The following PGGT1B variants were observed in gnomAD, a reference collection of about 807,000 sequenced individuals.
The protein encoded by PGGT1B is protein geranylgeranyltransferase type I subunit beta.
In PGGT1B, 30 loss-of-function variants were observed where a neutral mutation model predicts 46.1. The ratio of observed to expected loss-of-function variants is 0.65; its 90% CI spans 0.49 to 0.88. The LOEUF (loss-of-function observed/expected upper bound fraction) is 0.88. Among genes scored for constraint, PGGT1B ranks in the 40% least tolerant of loss-of-function variants. PGGT1B has a pLI of 0.00. For synonymous variants in PGGT1B, 170 were observed against 160.0 expected (o/e 1.06, Z -0.47); for missense variants, 376 against 455.9 (o/e 0.82, Z 1.60).
chr5:115,220,334 G>A (rs1307684104), intron 7 of PGGT1B, among the ~76,000 whole-genome samples: 1 of 151,842 alleles, frequency 6.6e-6, no homozygotes, highest in Admixed American at 6.6e-5. Flanking sequence ...TATGCTAAGT[G>A]AAATAAGCCA....
intron 1 of PGGT1B, among the ~76,000 whole-genome samples, chr5:115,261,537 TTTAA>T (rs1237367952): frequency 6.6e-6 from 1 of 152,228 alleles, no homozygotes; most frequent in Non-Finnish European, 1.5e-5. Context: ...TTTAATTTGA[TTTAA>T]TTAATTCAAA....
At chr5:115,256,368 C>A (rs1405065380) in intron 1 of PGGT1B, among the ~76,000 whole-genome samples, 4 of 152,174 alleles carry the variant, frequency 2.6e-5, no homozygotes, top group Non-Finnish European at 5.9e-5. Context: ...ATGTTACTTG[C>A]TCCTGGATAT....
intron 6 of PGGT1B, among the ~76,000 whole-genome samples, chr5:115,223,527 G>A (rs1290739725): frequency 6.6e-6 from 1 of 152,172 alleles, no homozygotes; most frequent in Non-Finnish European, 1.5e-5. Context: ...AAGCTGGGAA[G>A]AGTCAAGGGA....
At chr5:115,258,995 C>T (rs768469309) in intron 1 of PGGT1B, among the ~76,000 whole-genome samples, 4 of 152,210 alleles carry the variant, frequency 2.6e-5, no homozygotes, top group Non-Finnish European at 5.9e-5. Context: ...TGCTCCTACA[C>T]GTAAAACACC....
rs1337280378 is a variant in PGGT1B, at chr5:115,212,222, T to C, written c.*180A>G. 8.9e-7 allele frequency: 1 copy of C among 1,119,206 alleles called. No homozygotes were observed. Among genetic ancestry groups the C allele is most frequent in the African/African-American group, 1.6e-5 (1 of 62,338 alleles). The allele number at this position is 1,119,206 out of a possible 1,614,324, so 69.3% of individuals were successfully genotyped here. On this transcript the variant is annotated 3_prime_UTR_variant, in exon 9 of 9. Coordinates refer to ENST00000419445, the MANE Select transcript of PGGT1B (RefSeq NM_005023.4). Reference sequence around the variant, plus strand: ...GTTGTGGTTCAAACTTCAACAAAGATTTTCTTGAAACCCAGTATAAAGATT... The same window carrying C: ...GTTGTGGTTCAAACTTCAACAAAGACTTTCTTGAAACCCAGTATAAAGATT...
chr5:115,252,096 A>C (rs1279335248), intron 2 of PGGT1B, among the ~76,000 whole-genome samples: 2 of 152,106 alleles, frequency 1.3e-5, no homozygotes, highest in African/African-American at 4.8e-5. Flanking sequence ...GCAGAAATTC[A>C]ATAAATCCTA....
chr5:115,210,864 G>A lies in PGGT1B; in HGVS notation c.*1538C>T, dbSNP rs890352189. Reference sequence around the variant, plus strand: ...AAGCTTACTTTTTCCCCCACCATCAGAAGATTTATTTTATTTCTAATTAAA... The same window carrying A: ...AAGCTTACTTTTTCCCCCACCATCAAAAGATTTATTTTATTTCTAATTAAA... On this transcript the variant is annotated 3_prime_UTR_variant, in exon 9 of 9. Coordinates refer to ENST00000419445, the MANE Select transcript of PGGT1B (RefSeq NM_005023.4). The A allele has an allele frequency of 5.3e-5, 8 of 151,930 alleles. No individual in the cohort carries two copies. Among genetic ancestry groups the A allele is most frequent in the African/African-American group, 1.9e-4 (8 of 41,394 alleles). The allele number at this position is 151,930 out of a possible 1,614,324, so 9.4% of individuals were successfully genotyped here. A position where few individuals can be genotyped will look rare whatever the true frequency, so the allele number is the denominator to read the frequency against.
At chr5:115,223,219 C>T (rs1049969374) in intron 6 of PGGT1B, among the ~76,000 whole-genome samples, 3 of 152,114 alleles carry the variant, frequency 2.0e-5, no homozygotes, top group Non-Finnish European at 4.4e-5. Context: ...TACTTCAAAA[C>T]GTATCCATAC....
Position 115,221,988 on chromosome 5 carries a change from T to C in PGGT1B, c.679A>G (p.Ile227Val). The change falls in exon 7 of 9, where the codon ATT becomes GTT. Residue 227 changes from isoleucine (I) to valine (V), a missense_variant. By Grantham distance (29) the Ile-to-Val change is conservative (BLOSUM62 3). Around this residue, in one of 2 missense-constraint regions of PGGT1B, gnomAD observed 222 missense variants for 313.6 expected, o/e 0.71. Transcript: ENST00000419445. ...TTACCCATCAGACATAGTGAGGCAA[T>C]GCCACAAAAAGTTGATCCTCCTGTT... ...ESHGGSTFCG[I>V]ASLCLMGKLE... 1 of 1,577,166 alleles carries C rather than the reference T, an allele frequency of 6.3e-7. No individual in the cohort carries two copies. Among genetic ancestry groups the C allele is most frequent in the Non-Finnish European group, 8.6e-7 (1 of 1,165,800 alleles).
intron 8 of PGGT1B, among the ~76,000 whole-genome samples, chr5:115,216,496 T>C (rs1580743364): frequency 6.6e-6 from 1 of 152,298 alleles, no homozygotes; most frequent in East Asian, 1.9e-4. Flanking sequence ...TGGGAGTAAT[T>C]TATTATACTT....
intron 1 of PGGT1B, among the ~76,000 whole-genome samples, chr5:115,261,499 T>C (rs994317647): frequency 1.3e-5 from 2 of 152,238 alleles, no homozygotes; most frequent in African/African-American, 2.4e-5. Context: ...TGAAATGTGG[T>C]GGCTACTACC....
At chr5:115,222,077 C>A in intron 6 of PGGT1B, 69 bp from the exon 7 acceptor site, 1 of 898,512 alleles carries the variant, frequency 1.1e-6, no homozygotes. Context: ...ACAAAATGTT[C>A]AAGGGGAAAA....
intron 6 of PGGT1B, among the ~76,000 whole-genome samples, chr5:115,222,534 T>C (rs529437173): frequency 2.0e-5 from 3 of 152,182 alleles, no homozygotes; most frequent in Non-Finnish European, 4.4e-5. Context: ...GTGTTCCTAT[T>C]TACTAGTTCA....
intron 2 of PGGT1B, among the ~76,000 whole-genome samples, chr5:115,250,116 T>A (rs1413370286): frequency 2.0e-5 from 3 of 152,206 alleles, no homozygotes; most frequent in Non-Finnish European, 4.4e-5. Flanking sequence ...ACATAAAGTA[T>A]TTAAATATTT....
intron 2 of PGGT1B, among the ~76,000 whole-genome samples, chr5:115,244,939 G>T (rs1413195581): frequency 1.3e-5 from 2 of 151,954 alleles, no homozygotes. Context: ...TTGGATGAGG[G>T]GCAGTATCAA....
At position 115,242,140 on chromosome 5, in the gene PGGT1B, GT is replaced by G. The variant is rs1221064461; in HGVS notation, c.260-535del. Among the ~76,000 whole-genome samples, 11 of 152,300 alleles carry G rather than the reference GT, an allele frequency of 7.2e-5. 1 individual carries two copies. Among genetic ancestry groups the G allele is most frequent in the Admixed American group, 2.0e-4 (3 of 15,300 alleles). On this transcript the variant is annotated intron_variant, in intron 2 of 8. Coordinates refer to ENST00000419445, the MANE Select transcript of PGGT1B (RefSeq NM_005023.4). ...CACATTAGCTAGACCTTCGTTCTGAGTCCAGTAATCCACTTGGCTTTGAAGT... is the reference window on the plus strand; with the variant it reads ...CACATTAGCTAGACCTTCGTTCTGAGCCAGTAATCCACTTGGCTTTGAAGT...
In PGGT1B at chr5:115,238,291, A is replaced by ATTTTT. The variant is rs35711954; in HGVS notation, c.328-287_328-283dup. On this transcript the variant is annotated intron_variant, in intron 3 of 8. Coordinates refer to ENST00000419445, the MANE Select transcript of PGGT1B (RefSeq NM_005023.4). ...AATTATGTATTACTTATTTTTTTGG[A>ATTTTT]TTTTTTTTTTTTTTTTTTTTTTTTT... is the stretch of plus-strand genomic sequence containing the variant. 4.2e-3 allele frequency among the ~76,000 whole-genome samples: 195 copies of ATTTTT among 46,954 alleles called. 24 individuals are homozygous for ATTTTT. The highest frequency in any genetic ancestry group is 0.016 in the East Asian group (22 of 1,372). 30.8% of individuals were successfully genotyped at this position (46,954 alleles called of 152,430 possible). A position where few individuals can be genotyped will look rare whatever the true frequency, so the allele number is the denominator to read the frequency against.
intron 2 of PGGT1B, among the ~76,000 whole-genome samples, chr5:115,249,791 T>G (rs1748010763): frequency 1.3e-5 from 2 of 152,208 alleles, no homozygotes; most frequent in African/African-American, 4.8e-5. Context: ...ACAGACAGTT[T>G]CATGTCAGTA....
At chr5:115,239,029 C>A (rs935362124) in intron 3 of PGGT1B, among the ~76,000 whole-genome samples, 1 of 151,996 alleles carries the variant, frequency 6.6e-6, no homozygotes, top group Non-Finnish European at 1.5e-5. Flanking sequence ...ACCCCACCTA[C>A]CCACCTTTAG....
Sources: allele counts gnomAD v4.1 joint callset (sites outside exome capture counted in the v4.1 genomes callset), GRCh38; gene constraint gnomAD v4.1.1; regional missense constraint gnomAD v4.1.1; transcripts MANE v1.5; gene names NCBI Gene and HGNC (gene_info 2026-07-23, HGNC 2026-07-21).